The following AXIN2 variants were observed in gnomAD, a reference collection of about 807,000 sequenced individuals.
AXIN2 encodes the protein axin 2, also known as axin-2.
A neutral mutation model predicts 74.7 loss-of-function variants in AXIN2; 21 were observed. That is an observed-to-expected ratio of 0.28 (90% CI 0.20 to 0.40). The LOEUF (loss-of-function observed/expected upper bound fraction) is 0.40. Ranked by LOEUF, AXIN2 falls within the 10% of genes least tolerant of loss-of-function variation. AXIN2 has a pLI of 1.00. For synonymous variants in AXIN2, 532 were observed against 454.9 expected, an observed-to-expected ratio of 1.17 and a Z score of -2.16; for missense variants, 1,144 against 1,111.1, an observed-to-expected ratio of 1.03 and a Z score of -0.42.
At chr17:65,538,419 G>GAA in intron 4 of AXIN2, 76 bp from the exon 5 acceptor site, 1 of 1,590,080 alleles carries the variant, frequency 6.3e-7, no homozygotes, top group East Asian at 2.2e-5. Flanking sequence ...GGAGCTTCCC[G>GAA]CACCAGGCGC....
chr17:65,538,180 G>A (rs1345824006), intron 5 of AXIN2, 23 bp downstream of exon 5: 3 of 1,614,050 alleles, frequency 1.9e-6, no homozygotes, highest in Middle Eastern at 1.7e-4. Context: ...ACGGAAGCAG[G>A]AAGAAGGCCT....
chr17:65,532,154 C>A (rs1001217017), intron 10 of AXIN2, among the ~76,000 whole-genome samples: 1 of 151,818 alleles, frequency 6.6e-6, no homozygotes, highest in Middle Eastern at 3.2e-3. Context: ...TTGTGCAAGT[C>A]TTTGTGCATT....
chr17:65,529,914 C>G lies in AXIN2; in HGVS notation c.*62G>C, dbSNP rs982010120. 6 of 1,612,364 alleles carry G rather than the reference C, an allele frequency of 3.7e-6. No homozygotes were observed. The highest frequency in any genetic ancestry group is 1.7e-4 in the Middle Eastern group (1 of 5,752). ...CAAAATGTTTTGTCGCAGTTGCTCA[C>G]AGCCAAGACAGTTCACAAGAGCTTC... On this transcript the variant is annotated 3_prime_UTR_variant, in exon 11 of 11. Transcript: ENST00000307078.
chr17:65,535,863 T>C (rs1394457065), intron 8 of AXIN2, 142 bp from the exon 9 acceptor site: 5 of 782,852 alleles, frequency 6.4e-6, no homozygotes, highest in Non-Finnish European at 1.1e-5. Flanking sequence ...ACCAAGACCC[T>C]GGGTTAACAG....
chr17:65,537,201 C>A (rs1157429172), intron 6 of AXIN2, 123 bp downstream of exon 6: 3 of 1,542,322 alleles, frequency 1.9e-6, no homozygotes, highest in East Asian at 2.2e-5. Flanking sequence ...CTCACCCGGC[C>A]GTGCACTCTG....
At chr17:65,538,169 G>A (rs776245264) in intron 5 of AXIN2, 34 bp downstream of exon 5, 1 of 1,613,924 alleles carries the variant, frequency 6.2e-7, no homozygotes, top group Non-Finnish European at 8.5e-7. Context: ...TCACGCCGTG[G>A]ACGGAAGCAG....
rs116647956 is a variant in AXIN2, at chr17:65,530,799, C to T, written c.2406-697G>A. Among the ~76,000 whole-genome samples the T allele has an allele frequency of 2.4e-3, 359 of 152,312 alleles. 1 individual carries two copies. Among genetic ancestry groups the T allele is most frequent in the African/African-American group, 7.3e-3 (302 of 41,566 alleles). On this transcript the variant is annotated intron_variant, in intron 10 of 10. Coordinates refer to ENST00000307078, the MANE Select transcript of AXIN2 (RefSeq NM_004655.4). The stretch of plus-strand genomic sequence containing the variant: ...TTCCAGGCCTCTTCTCCCATCCCAT[C>T]CCTCCAGGGTCAAACACCAAAGGCC...
At chr17:65,530,805 A>G (rs555694529) in intron 10 of AXIN2, among the ~76,000 whole-genome samples, 82 of 152,212 alleles carry the variant, frequency 5.4e-4, no homozygotes, top group Middle Eastern at 3.4e-3. Context: ...CCATCCCTCC[A>G]GGGTCAAACA....
chr17:65,529,546 T>A lies in AXIN2; in HGVS notation c.*430A>T, dbSNP rs1307585911. ...CAATTAAAACTTCCTGTCTCCCCCT[T>A]CCAAGTTTAAAGCAGCATATCCATA... On this transcript the variant is annotated 3_prime_UTR_variant, in exon 11 of 11. Coordinates refer to ENST00000307078, the MANE Select transcript of AXIN2 (RefSeq NM_004655.4). 1.2e-5 allele frequency: 4 copies of A among 336,350 alleles called. No individual in the cohort carries two copies. Among genetic ancestry groups the A allele is most frequent in the African/African-American group, 8.3e-5 (4 of 48,018 alleles). 20.8% of individuals were successfully genotyped at this position (336,350 alleles called of 1,614,324 possible).
chr17:65,545,201 C>T (rs995383847), intron 3 of AXIN2, among the ~76,000 whole-genome samples: 14 of 152,196 alleles, frequency 9.2e-5, no homozygotes, highest in Admixed American at 4.6e-4. Context: ...AAGGCCTCCA[C>T]ACCACTGACT....
intron 3 of AXIN2, among the ~76,000 whole-genome samples, chr17:65,543,640 G>T (rs1433656650): frequency 6.6e-6 from 1 of 152,132 alleles, no homozygotes; most frequent in East Asian, 1.9e-4. Flanking sequence ...GCCACTGCTG[G>T]ACTCCAGAAC....
At chr17:65,537,951 C>CAGCCACGCCCAT in intron 5 of AXIN2, 116 bp from the exon 6 acceptor site, 1 of 1,412,346 alleles carries the variant, frequency 7.1e-7, no homozygotes, top group Non-Finnish European at 9.6e-7. Flanking sequence ...TGCACGCCCA[C>CAGCCACGCCCAT]AGCCACGCCC....
Position 65,537,377 on chromosome 17 carries a change from C to T in AXIN2, c.1659G>A (p.Ser553=), listed in dbSNP as rs967153637. The change falls in exon 6 of 11, where the codon TCG becomes TCA. Residue 553 remains serine (S), a synonymous_variant. Coordinates refer to ENST00000307078, the MANE Select transcript of AXIN2 (RefSeq NM_004655.4). The stretch of plus-strand genomic sequence containing the variant: ...GAGCCTTGGAGTGGCTTTTGCATTT[C>T]GAGTAGCAGTAATACTCGCTGCCCC... ...CPGGSEYYCY[S]KCKSHSKAPE... is the part of the protein sequence containing the mutation. The T allele has an allele frequency of 1.9e-6, 3 of 1,613,938 alleles. No individual in the cohort carries two copies. Among genetic ancestry groups the T allele is most frequent in the Non-Finnish European group, 2.5e-6 (3 of 1,180,022 alleles).
chr17:65,546,110 C>T (rs2044115153), intron 3 of AXIN2, among the ~76,000 whole-genome samples: 1 of 151,302 alleles, frequency 6.6e-6, no homozygotes, highest in Non-Finnish European at 1.5e-5. Flanking sequence ...CCCCCCTCCC[C>T]AGCCCCTCAC....
rs1403560448 is a variant in AXIN2 at position 65,533,983 on chromosome 17, C to T, written c.2334G>A (p.Arg778=). The T allele has an allele frequency of 6.2e-7, 1 of 1,614,228 alleles. No individual in the cohort carries two copies. The change falls in exon 10 of 11, where the codon CGG becomes CGA. Residue 778 remains arginine (R), a synonymous_variant. Transcript: ENST00000307078. ...TCAAGCTCTGAGCCTTCAGCATCCT[C>T]CGGTATGGAATTTCTTCCCCACAGA... ...YFFCGEEIPY[R]RMLKAQSLTL...
At position 65,556,020 on chromosome 17, in the gene AXIN2, C is replaced by T. The variant is rs533666180; in HGVS notation, c.815+1786G>A. ...CCACGGTTCACAGCCAAGAAGGCAG[C>T]CCTGGAAAACAGGAGCTTCTGTCCC... On this transcript the variant is annotated intron_variant, in intron 2 of 10. Coordinates refer to ENST00000307078, the MANE Select transcript of AXIN2 (RefSeq NM_004655.4). 2.0e-5 allele frequency among the ~76,000 whole-genome samples: 3 copies of T among 152,194 alleles called. No individual in the cohort carries two copies. In the South Asian group the frequency reaches 6.2e-4, roughly 32 times the overall value.
intron 1 of AXIN2, chr17:65,559,472 CCT>C (rs2044328547): frequency 1.3e-5 from 2 of 151,894 alleles, no homozygotes; most frequent in South Asian, 2.1e-4. Flanking sequence ...TCAGTCAACA[CCT>C]CTGTCTTCCC....
rs780310952 is a variant in AXIN2 at position 65,557,790 on chromosome 17, C to A, written c.815+16G>T. On this transcript the variant is annotated intron_variant, in intron 2 of 10. Transcript: ENST00000307078. ...AGTCCACAGCATCAGCCCACCCGCC[C>A]CCGTCAAAGTCTTACCTGTATCCAC... 1 of 1,613,610 alleles carries A rather than the reference C, an allele frequency of 6.2e-7. No individual in the cohort carries two copies. The highest frequency in any genetic ancestry group is 8.5e-7 in the Non-Finnish European group (1 of 1,179,506).
In AXIN2 at chr17:65,537,695, G is replaced by A. The variant is rs2144465433; in HGVS notation, c.1341C>T (p.Leu447=). 1 of 1,556,962 alleles carries A rather than the reference G, an allele frequency of 6.4e-7. No homozygotes were observed. The highest frequency in any genetic ancestry group is 8.7e-7 in the Non-Finnish European group (1 of 1,151,014). The change falls in exon 6 of 11, where the codon CTC becomes CTT. Residue 447 remains leucine, a synonymous_variant. Transcript: ENST00000307078. Reference sequence around the variant, plus strand: ...CTGGAGACTGGCAGCCAGGGGTCTTGAGGACCCTGGACAGGTGATCGTCCA... The same window carrying A: ...CTGGAGACTGGCAGCCAGGGGTCTTAAGGACCCTGGACAGGTGATCGTCCA... ...TILDDHLSRV[L]KTPGCQSPGV...
Sources: gnomAD v4.1 joint callset for allele counts (sites outside exome capture counted in the v4.1 genomes callset) on GRCh38, gnomAD v4.1.1 for gene constraint, MANE v1.5 for transcripts, NCBI Gene and HGNC (gene_info 2026-07-23, HGNC 2026-07-21) for gene names.